Variants in GPHN observed in about 807,000 individuals in gnomAD.
GPHN encodes gephyrin.
A neutral mutation model predicts 95.5 loss-of-function variants in GPHN; 17 were observed. The observed-to-expected ratio is 0.18, with a 90% CI of 0.12 to 0.27. The LOEUF is 0.27. GPHN is among the 10% of genes least tolerant of loss of function. The pLI, the probability that GPHN is intolerant of heterozygous loss-of-function variation, is 1.00. For missense variants in GPHN, 660 were observed against 978.1 expected (o/e 0.67, Z 4.34); for synonymous variants, 320 against 322.5 (o/e 0.99, Z 0.08).
At position 66,639,949 on chromosome 14, in the gene GPHN, A is replaced by G. The variant is rs560449367; in HGVS notation, c.65-41158A>G. On this transcript the variant is annotated intron_variant, in intron 1 of 22. Coordinates refer to ENST00000478722, the MANE Select transcript of GPHN (RefSeq NM_020806.5). Reference sequence around the variant, plus strand: ...CTGTTTAGAAAGTAACTGGGTATTCATTGGAGATTAGGTTAGAGAAGATAT... The same window carrying G: ...CTGTTTAGAAAGTAACTGGGTATTCGTTGGAGATTAGGTTAGAGAAGATAT... Among the ~76,000 whole-genome samples, 3 of 152,266 alleles carry G rather than the reference A, an allele frequency of 2.0e-5. No individual in the cohort carries two copies. The South Asian group carries it at 6.2e-4, about 32-fold the overall frequency.
chr14:66,730,995 C>T (rs1352361048), intron 2 of GPHN, among the ~76,000 whole-genome samples: 2 of 152,134 alleles, frequency 1.3e-5, no homozygotes, highest in Non-Finnish European at 2.9e-5. Context: ...AGTGAGTTCT[C>T]ACGAGATCTG....
intron 17 of GPHN, among the ~76,000 whole-genome samples, chr14:67,130,938 G>GT (rs1238406259): frequency 6.6e-6 from 1 of 152,002 alleles, no homozygotes; most frequent in East Asian, 1.9e-4. Context: ...GTCTGTTCAG[G>GT]TTTTTTGCCC....
At chr14:66,518,094 CAAATAAAT>C (rs144895971) in intron 1 of GPHN, among the ~76,000 whole-genome samples, 101 of 143,936 alleles carry the variant, frequency 7.0e-4, no homozygotes, top group Middle Eastern at 3.5e-3. Context: ...TCTTAACAGC[CAAATAAAT>C]AAATAAATAA....
At chr14:67,321,216 T>C in the GPHN span, 1 of 1,614,234 alleles carries the variant, frequency 6.2e-7, no homozygotes. Flanking sequence ...GTACGGCAAG[T>C]GATCAACTCT....
intron 16 of GPHN, among the ~76,000 whole-genome samples, chr14:67,121,518 A>C (rs770914837): frequency 3.2e-4 from 49 of 152,194 alleles, no homozygotes; most frequent in Admixed American, 6.5e-4. Context: ...AAATTACGAC[A>C]AAGAATTTTG....
At chr14:66,744,537 T>C (rs985299157) in intron 2 of GPHN, among the ~76,000 whole-genome samples, 1 of 152,196 alleles carries the variant, frequency 6.6e-6, no homozygotes, top group Admixed American at 6.5e-5. Context: ...AACAGTGAAT[T>C]ATCTAATACA....
intron 2 of GPHN, among the ~76,000 whole-genome samples, chr14:66,758,478 TA>T (rs534865298): frequency 3.1e-4 from 47 of 152,262 alleles, no homozygotes; most frequent in Admixed American, 5.2e-4. Context: ...GGATCCCCAG[TA>T]AAAGGGAGCC....
At chr14:67,603,817 G>A in the GPHN span, among the ~76,000 whole-genome samples, 1 of 152,160 alleles carries the variant, frequency 6.6e-6, no homozygotes, top group Non-Finnish European at 1.5e-5. Flanking sequence ...AAGTAGCTGG[G>A]ATTACAGGCA....
intron 21 of GPHN, among the ~76,000 whole-genome samples, chr14:67,173,343 G>A (rs1264495329): frequency 6.6e-6 from 1 of 152,076 alleles, no homozygotes; most frequent in Non-Finnish European, 1.5e-5. Flanking sequence ...ATAAGAATAA[G>A]GAAGACACTA....
intron 17 of GPHN, among the ~76,000 whole-genome samples, chr14:67,126,538 G>C (rs562713684): frequency 6.6e-6 from 1 of 152,326 alleles, no homozygotes; most frequent in Admixed American, 6.5e-5. Context: ...TAGAGAATTA[G>C]AAATGAACAA....
At chr14:67,064,060 G>A (rs1431653463) in intron 11 of GPHN, among the ~76,000 whole-genome samples, 5 of 152,172 alleles carry the variant, frequency 3.3e-5, no homozygotes, top group African/African-American at 9.7e-5. Context: ...TATGATATTG[G>A]CTGTGGGTTT....
intron 7 of GPHN, among the ~76,000 whole-genome samples, chr14:66,923,440 A>G (rs903795902): frequency 6.6e-6 from 1 of 152,166 alleles, no homozygotes; most frequent in African/African-American, 2.4e-5. Context: ...ATTGCTTGAC[A>G]CAAATTACCC....
chr14:66,578,840 A>G (rs1225665847), intron 1 of GPHN, among the ~76,000 whole-genome samples: 1 of 151,836 alleles, frequency 6.6e-6, no homozygotes, highest in Non-Finnish European at 1.5e-5. Flanking sequence ...CTTTAAGCTG[A>G]AAGAAAAGGA....
the GPHN span, chr14:67,562,401 C>A: frequency 0.026 from 41,889 of 1,613,636 alleles, 761 homozygotes; most frequent in East Asian, 0.097. Context: ...CCCCTTCAAC[C>A]TCATCTGGGA....
At chr14:67,229,573 C>G in the GPHN span, among the ~76,000 whole-genome samples, 1 of 152,118 alleles carries the variant, frequency 6.6e-6, no homozygotes, top group South Asian at 2.1e-4. Context: ...CTACATTTTT[C>G]ACTTCAACTG....
chr14:67,262,004 C>CT, the GPHN span, among the ~76,000 whole-genome samples: 1 of 152,196 alleles, frequency 6.6e-6, no homozygotes, highest in South Asian at 2.1e-4. Context: ...AGACATGTAA[C>CT]TAACACAGCA....
chr14:66,637,148 T>C (rs2064143506), intron 1 of GPHN, among the ~76,000 whole-genome samples: 1 of 152,132 alleles, frequency 6.6e-6, no homozygotes, highest in Admixed American at 6.5e-5. Context: ...CTTCAATTCA[T>C]TGGTTATTGA....
chr14:66,951,593 C>A, intron 8 of GPHN, among the ~76,000 whole-genome samples: 1 of 149,592 alleles, frequency 6.7e-6, no homozygotes, highest in South Asian at 2.1e-4. Context: ...TTGCAAAGGG[C>A]AAAAAAACAA....
chr14:66,834,540 T>C (rs1319096037), intron 4 of GPHN, among the ~76,000 whole-genome samples: 1 of 152,110 alleles, frequency 6.6e-6, no homozygotes, highest in Non-Finnish European at 1.5e-5. Context: ...TGGCTCTGTT[T>C]ATATGCTGGA....
Sources: allele counts gnomAD v4.1 joint callset (sites outside exome capture counted in the v4.1 genomes callset), GRCh38; gene constraint gnomAD v4.1.1; transcripts MANE v1.5; gene names NCBI Gene and HGNC (gene_info 2026-07-23, HGNC 2026-07-21).